Variants in SND1 observed in about 807,000 individuals in gnomAD.
SND1 encodes the protein staphylococcal nuclease and tudor domain containing 1, also known as staphylococcal nuclease domain-containing protein 1.
SND1 carries 38 observed loss-of-function variants against 121.7 expected under a neutral mutation model. That is an observed-to-expected ratio of 0.31 (90% CI 0.24 to 0.41). The LOEUF (loss-of-function observed/expected upper bound fraction) is 0.41, where lower values mean the gene tolerates loss of function less well. Among genes scored for constraint, SND1 ranks in the 10% least tolerant of loss-of-function variants. The pLI, the probability that SND1 is intolerant of heterozygous loss-of-function variation, is 1.00. For synonymous variants in SND1, 401 were observed against 447.4 expected, an observed-to-expected ratio of 0.90 and a Z score of 1.31; for missense variants, 868 against 1,184.6, an observed-to-expected ratio of 0.73 and a Z score of 3.92.
rs1207668038 is a variant in SND1, at chr7:128,084,770, C to T, written c.2157C>T (p.Ala719=). The T allele has an allele frequency of 2.0e-5, 33 of 1,610,814 alleles. No homozygotes were observed. The highest frequency in any genetic ancestry group is 2.8e-5 in the Non-Finnish European group (33 of 1,177,918). Residue 719 remains alanine, a synonymous_variant, in exon 19 of 24, where the codon GCC becomes GCT. Transcript: ENST00000354725. ...TGGAGAACATGCGCAATGACATTGC[C>T]AGTCACCCCCCTGTAGAGGGCTCCT... ...KLMENMRNDI[A]SHPPVEGSYA...
chr7:127,919,007 C>T (rs1299158245), intron 14 of SND1, among the ~76,000 whole-genome samples: 1 of 152,026 alleles, frequency 6.6e-6, no homozygotes, highest in African/African-American at 2.4e-5. Flanking sequence ...AAAACTGGAA[C>T]TTTCTCTTCT....
intron 12 of SND1, among the ~76,000 whole-genome samples, chr7:127,870,538 T>G (rs1255159282): frequency 6.6e-6 from 1 of 152,200 alleles, no homozygotes; most frequent in African/African-American, 2.4e-5. Flanking sequence ...GTTCCTATAC[T>G]AAAAACTGTA....
Position 128,029,603 on chromosome 7 carries a change from G to A in SND1, c.1779+38547G>A, listed in dbSNP as rs776568236. On this transcript the variant is annotated intron_variant, in intron 16 of 23. Coordinates refer to ENST00000354725, the MANE Select transcript of SND1 (RefSeq NM_014390.4). This position sits in a 1 kb window ranked among gnomAD's most constrained non-coding sequence, Gnocchi z 4.2. ...TGAAGGGGGCAGAGCACTGGAAGGA[G>A]GCCTGGTCCACCTCCACGAGGTAGC... is the stretch of plus-strand genomic sequence containing the variant. 8.1e-6 allele frequency: 13 copies of A among 1,613,958 alleles called. No individual in the cohort carries two copies. The highest frequency in any genetic ancestry group is 2.2e-5 in the South Asian group (2 of 91,090).
chr7:127,658,800 T>C (rs1795256223), intron 1 of SND1, among the ~76,000 whole-genome samples: 2 of 152,234 alleles, frequency 1.3e-5, no homozygotes, highest in Non-Finnish European at 2.9e-5. Context: ...ATTTGGAGGA[T>C]GAAATTTGGG....
At chr7:128,062,039 C>A (rs748022983) in intron 16 of SND1, among the ~76,000 whole-genome samples, 2 of 152,276 alleles carry the variant, frequency 1.3e-5, no homozygotes, top group Non-Finnish European at 2.9e-5. Flanking sequence ...CACAGTCCCC[C>A]ACAGTGTCCA....
chr7:127,752,510 T>C (rs1384060303), intron 10 of SND1, among the ~76,000 whole-genome samples: 1 of 152,198 alleles, frequency 6.6e-6, no homozygotes, highest in Non-Finnish European at 1.5e-5. Context: ...AGTGCTGGAA[T>C]TTTAGGTAGT....
rs561223208 is a variant in SND1, at chr7:128,046,407, G to A, written c.1780-28095G>A. Among the ~76,000 whole-genome samples, 10 of 129,802 alleles carry A rather than the reference G, an allele frequency of 7.7e-5. No individual in the cohort carries two copies. In the South Asian group the frequency reaches 1.8e-3, roughly 24 times the overall value. 85.2% of individuals were successfully genotyped at this position (129,802 alleles called of 152,430 possible). A position where few individuals can be genotyped will look rare whatever the true frequency, so the allele number is the denominator to read the frequency against. ...TTGAGACAGAGTCTCACTCCGTCAC[G>A]CAGGCCAGAGTGCAGTGGCATGATC... On this transcript the variant is annotated intron_variant, in intron 16 of 23. Coordinates refer to ENST00000354725, the MANE Select transcript of SND1 (RefSeq NM_014390.4).
intron 16 of SND1, among the ~76,000 whole-genome samples, chr7:127,992,848 G>A (rs929232968): frequency 3.0e-4 from 46 of 152,236 alleles, no homozygotes; most frequent in African/African-American, 1.0e-3. Flanking sequence ...TGGTTATTGC[G>A]ACCTTACCTT....
intron 1 of SND1, among the ~76,000 whole-genome samples, chr7:127,682,367 C>T (rs1043765080): frequency 6.6e-6 from 1 of 152,266 alleles, no homozygotes; most frequent in Middle Eastern, 3.4e-3. Flanking sequence ...TGAATCACAC[C>T]ACGTCCCTCT....
intron 15 of SND1, among the ~76,000 whole-genome samples, chr7:127,945,606 CAGG>C (rs1801313251): frequency 6.6e-6 from 1 of 152,178 alleles, no homozygotes; most frequent in African/African-American, 2.4e-5. Flanking sequence ...GGGTGTCTCT[CAGG>C]AGAACTGGAT....
intron 16 of SND1, among the ~76,000 whole-genome samples, chr7:128,032,873 G>A (rs1792672984): frequency 6.6e-6 from 1 of 152,224 alleles, no homozygotes; most frequent in Non-Finnish European, 1.5e-5. Context: ...TGCGGGGGCG[G>A]GAAACAGTGG....
chr7:128,074,750 C>T (rs1793478162), intron 17 of SND1, 60 bp downstream of exon 17: 23 of 1,463,750 alleles, frequency 1.6e-5, no homozygotes, highest in Admixed American at 4.0e-5. Flanking sequence ...CACACTAATG[C>T]TGCTGCCTCC....
chr7:127,660,767 T>A (rs1795294722), intron 1 of SND1, among the ~76,000 whole-genome samples: 2 of 152,206 alleles, frequency 1.3e-5, no homozygotes, highest in African/African-American at 4.8e-5. Context: ...TCTTTACTTT[T>A]GAGTTTATTT....
intron 16 of SND1, among the ~76,000 whole-genome samples, chr7:128,002,735 G>A (rs530534722): frequency 6.6e-6 from 1 of 152,328 alleles, no homozygotes; most frequent in South Asian, 2.1e-4. Flanking sequence ...ATACGGGTAT[G>A]AACTAACTAG....
At chr7:127,929,465 A>T in intron 15 of SND1, 136 bp downstream of exon 15, 1 of 864,956 alleles carries the variant, frequency 1.2e-6, no homozygotes, top group Non-Finnish European at 1.8e-6. Flanking sequence ...GGATATGCAA[A>T]CACAGTTTCT....
At chr7:127,756,256 T>C (rs950853448) in intron 10 of SND1, among the ~76,000 whole-genome samples, 4 of 152,236 alleles carry the variant, frequency 2.6e-5, no homozygotes, top group Non-Finnish European at 5.9e-5. Context: ...GCCTTTGATC[T>C]GTAGTATTTT....
chr7:127,667,658 C>T (rs539588286), intron 1 of SND1, among the ~76,000 whole-genome samples: 6 of 152,266 alleles, frequency 3.9e-5, no homozygotes, highest in Non-Finnish European at 7.4e-5. Flanking sequence ...CTGGACTTAA[C>T]GGATTTCTGG....
intron 10 of SND1, among the ~76,000 whole-genome samples, chr7:127,795,174 A>G (rs555568834): frequency 3.3e-5 from 5 of 152,182 alleles, no homozygotes; most frequent in Non-Finnish European, 7.4e-5. Context: ...AGAGACACTA[A>G]TTATATTTTA....
intron 1 of SND1, among the ~76,000 whole-genome samples, chr7:127,668,080 A>G (rs943724245): frequency 4.6e-5 from 7 of 152,244 alleles, no homozygotes; most frequent in African/African-American, 1.4e-4. Flanking sequence ...AGGCATGTGC[A>G]GAAATCTTCT....
Sources: gnomAD v4.1 joint callset for allele counts (sites outside exome capture counted in the v4.1 genomes callset) on GRCh38, gnomAD v4.1.1 for gene constraint, Gnocchi (gnomAD v3.1) non-coding constraint, MANE v1.5 for transcripts, NCBI Gene and HGNC (gene_info 2026-07-23, HGNC 2026-07-21) for gene names.